The following SLC66A2 variants were observed in gnomAD, a reference collection of about 807,000 sequenced individuals.
SLC66A2 encodes the protein PQ loop repeat containing 1.
SLC66A2 carries 23 observed loss-of-function variants against 25.5 expected under a neutral mutation model. The observed-to-expected ratio is 0.90, with a 90% CI of 0.65 to 1.28. SLC66A2 has a LOEUF of 1.28. Ranked by LOEUF, SLC66A2 falls within the 50% of genes most tolerant of loss-of-function variation. The probability of loss-of-function intolerance (pLI) is 0.00; values close to 1 mark genes in which losing one functional copy is unlikely to be tolerated. For missense variants in SLC66A2, 396 were observed against 373.1 expected (o/e 1.06, Z -0.51); for synonymous variants, 193 against 166.5 (o/e 1.16, Z -1.23).
chr18:79,907,505 C>T (rs1304725313), intron 5 of SLC66A2, among the ~76,000 whole-genome samples: 1 of 151,956 alleles, frequency 6.6e-6, no homozygotes, highest in African/African-American at 2.4e-5. Flanking sequence ...GCGCCCGCCA[C>T]CACACTCCGC....
intron 5 of SLC66A2, among the ~76,000 whole-genome samples, chr18:79,910,869 A>G (rs1599498832): frequency 6.6e-6 from 1 of 152,346 alleles, no homozygotes; most frequent in East Asian, 1.9e-4. Flanking sequence ...AACAACTTTC[A>G]AACTATCTTC....
chr18:79,946,312 CA>C (rs1319481859), intron 2 of SLC66A2, among the ~76,000 whole-genome samples: 1 of 152,232 alleles, frequency 6.6e-6, no homozygotes, highest in Non-Finnish European at 1.5e-5. Context: ...GAAAACGAAA[CA>C]GAATCCAGCA....
At chr18:79,935,402 T>G (rs2144891868) in intron 3 of SLC66A2, 1 of 152,386 alleles carries the variant, frequency 6.6e-6, no homozygotes, top group South Asian at 2.1e-4. Context: ...CTGAGAGAGC[T>G]GCCAGGAACA....
In SLC66A2 at chr18:79,903,949, G is replaced by T; in HGVS notation, c.*27C>A. 3.2e-6 allele frequency: 5 copies of T among 1,569,230 alleles called. No individual in the cohort carries two copies. The South Asian group carries it at 4.6e-5, about 14-fold the overall frequency. On this transcript the variant is annotated 3_prime_UTR_variant, in exon 6 of 6. Coordinates refer to ENST00000397778, the MANE Select transcript of SLC66A2 (RefSeq NM_025078.5). The stretch of plus-strand genomic sequence containing the variant: ...GGGCCCACCAGTGCCCGCGGCTGGC[G>T]GTCCCACATCCTCGTCCTCCCCACT...
In SLC66A2 at chr18:79,941,206, G is replaced by T. The variant is rs1199377440; in HGVS notation, c.337+2123C>A. ...GTACAGGCAGAACTCAGCTCCCCGT[G>T]GTCGGGGGCTCTGCTGCCTGTAAAG... On this transcript the variant is annotated intron_variant, in intron 3 of 5. Coordinates refer to ENST00000397778, the MANE Select transcript of SLC66A2 (RefSeq NM_025078.5). This position sits in a 1 kb window ranked among gnomAD's most constrained non-coding sequence, Gnocchi z 4.1. 6.6e-6 allele frequency among the ~76,000 whole-genome samples: 1 copy of T among 152,194 alleles called. No individual in the cohort carries two copies. Among genetic ancestry groups the T allele is most frequent in the African/African-American group, 2.4e-5 (1 of 41,428 alleles).
chr18:79,946,586 C>T (rs1331861008), intron 2 of SLC66A2, among the ~76,000 whole-genome samples: 1 of 152,168 alleles, frequency 6.6e-6, no homozygotes, highest in Non-Finnish European at 1.5e-5. Context: ...GCCCAGGTGC[C>T]CATCCACAGG....
At chr18:79,931,347 TTAAAAG>T (rs1156450952) in intron 4 of SLC66A2, among the ~76,000 whole-genome samples, 2 of 151,526 alleles carry the variant, frequency 1.3e-5, no homozygotes, top group African/African-American at 2.4e-5. Context: ...CATAAAAAAG[TTAAAAG>T]TAAAACAATG....
At chr18:79,909,808 A>AC (rs1982732207) in intron 5 of SLC66A2, among the ~76,000 whole-genome samples, 1 of 21,986 alleles carries the variant, frequency 4.5e-5, no homozygotes, top group Non-Finnish European at 8.5e-5. Flanking sequence ...ACCATCTCAC[A>AC]AGAGTCCCCA....
Position 79,918,972 on chromosome 18 carries a change from G to A in SLC66A2, c.608+212C>T, listed in dbSNP as rs551232329. Among the ~76,000 whole-genome samples the A allele has an allele frequency of 2.4e-4, 37 of 152,364 alleles. No homozygotes were observed. Among genetic ancestry groups the A allele is most frequent in the Admixed American group, 1.9e-3 (29 of 15,308 alleles). ...AGCTCCCAACCCCGTGCTGGGTCTC[G>A]GCTGCCCCTCATGCGGCCCACACAA... On this transcript the variant is annotated intron_variant, in intron 5 of 5. Transcript: ENST00000397778. The surrounding 1 kb of genome is among the most constrained non-coding windows in gnomAD (Gnocchi z 4.0).
At chr18:79,926,979 T>A (rs964175992) in intron 4 of SLC66A2, among the ~76,000 whole-genome samples, 1 of 152,190 alleles carries the variant, frequency 6.6e-6, no homozygotes, top group Non-Finnish European at 1.5e-5. Context: ...TTTAACTCTG[T>A]GACTGTTTCA....
At chr18:79,943,836 C>T (rs965226669) in intron 2 of SLC66A2, 17 of 210,348 alleles carry the variant, frequency 8.1e-5, no homozygotes, top group African/African-American at 2.8e-4. Context: ...CTCCCAATCC[C>T]GAACCTGCAG....
In SLC66A2 at chr18:79,937,644, G is replaced by A. The variant is rs1157962721; in HGVS notation, c.338-3622C>T. On this transcript the variant is annotated intron_variant, in intron 3 of 5. Coordinates refer to ENST00000397778, the MANE Select transcript of SLC66A2 (RefSeq NM_025078.5). This position sits in a 1 kb window ranked among gnomAD's most constrained non-coding sequence, Gnocchi z 5.4. ...CCTCAGCATGAGCCCCACAGTGGCCGCTGACCACACGCACCTCCGACGGAA... is the reference window on the plus strand; with the variant it reads ...CCTCAGCATGAGCCCCACAGTGGCCACTGACCACACGCACCTCCGACGGAA... Among the ~76,000 whole-genome samples, 1 of 152,126 alleles carries A rather than the reference G, an allele frequency of 6.6e-6. No individual in the cohort carries two copies.
chr18:79,939,856 T>C (rs1987488545), intron 3 of SLC66A2, among the ~76,000 whole-genome samples: 2 of 152,134 alleles, frequency 1.3e-5, no homozygotes. Flanking sequence ...AACCCAACAA[T>C]CCCGGTACTG....
chr18:79,919,445 G>A, intron 4 of SLC66A2, 45 bp from the exon 5 acceptor site: 1 of 1,440,998 alleles, frequency 6.9e-7, no homozygotes, highest in Non-Finnish European at 9.6e-7. Context: ...TTAGGGTCCA[G>A]GTGAGGAGTC....
rs1437335696 is a variant in SLC66A2, at chr18:79,937,213, T to C, written c.338-3191A>G. 6.6e-6 allele frequency among the ~76,000 whole-genome samples: 1 copy of C among 152,266 alleles called. No homozygotes were observed. Among genetic ancestry groups the C allele is most frequent in the East Asian group, 1.9e-4 (1 of 5,176 alleles). ...ACTGTGTCCCAGATACCAGAGCTCC[T>C]TGGAGAAACGACGGATTCTAGGTCT... is the stretch of plus-strand genomic sequence containing the variant. On this transcript the variant is annotated intron_variant, in intron 3 of 5. Coordinates refer to ENST00000397778, the MANE Select transcript of SLC66A2 (RefSeq NM_025078.5). The surrounding 1 kb of genome is among the most constrained non-coding windows in gnomAD (Gnocchi z 5.4).
intron 3 of SLC66A2, among the ~76,000 whole-genome samples, chr18:79,942,800 A>G (rs531241109): frequency 6.6e-6 from 1 of 152,226 alleles, no homozygotes; most frequent in South Asian, 2.1e-4. Context: ...TAAGCATGTG[A>G]TTGGTCCTGC....
chr18:79,932,785 T>C (rs563070942), intron 4 of SLC66A2, among the ~76,000 whole-genome samples: 1 of 152,308 alleles, frequency 6.6e-6, no homozygotes, highest in East Asian at 1.9e-4. Context: ...TGAATAGACT[T>C]ATAACAAGAG....
intron 4 of SLC66A2, among the ~76,000 whole-genome samples, chr18:79,925,562 G>A (rs193128412): frequency 5.9e-5 from 9 of 152,310 alleles, no homozygotes; most frequent in Middle Eastern, 6.8e-3. Flanking sequence ...AGCTTCCGTC[G>A]CACGGGCGTG....
intron 3 of SLC66A2, among the ~76,000 whole-genome samples, chr18:79,936,562 G>C (rs915862456): frequency 6.6e-6 from 1 of 152,214 alleles, no homozygotes; most frequent in Non-Finnish European, 1.5e-5. Flanking sequence ...CTGGAACTGA[G>C]TGTTGAGATT....
Sources: gnomAD v4.1 joint callset for allele counts (sites outside exome capture counted in the v4.1 genomes callset) on GRCh38, gnomAD v4.1.1 for gene constraint, Gnocchi (gnomAD v3.1) non-coding constraint, MANE v1.5 for transcripts, NCBI Gene and HGNC (gene_info 2026-07-23, HGNC 2026-07-21) for gene names.